Variants in FGFR1 observed in about 807,000 individuals in gnomAD.
The protein encoded by FGFR1 is FGFR1/PLAG1 fusion.
In FGFR1, 18 loss-of-function variants were observed where a neutral mutation model predicts 93.7. The ratio of observed to expected loss-of-function variants is 0.19; its 90% CI spans 0.13 to 0.28. The LOEUF (loss-of-function observed/expected upper bound fraction) is 0.28, where lower values mean the gene tolerates loss of function less well. Ranked by LOEUF, FGFR1 falls within the 10% of genes least tolerant of loss-of-function variation. The pLI, the probability that FGFR1 is intolerant of heterozygous loss-of-function variation, is 1.00. For synonymous variants in FGFR1, 448 were observed against 429.3 expected (o/e 1.04, Z -0.54); for missense variants, 731 against 1,080.4 (o/e 0.68, Z 4.53).
chr8:38,440,272 G>A (rs771026767), intron 2 of FGFR1: 37 of 1,580,406 alleles, frequency 2.3e-5, no homozygotes, highest in Middle Eastern at 1.7e-4. Flanking sequence ...TTTTTATTAC[G>A]TATTTTGGCT....
At chr8:38,442,526 A>G (rs1352782632) in intron 2 of FGFR1, among the ~76,000 whole-genome samples, 1 of 152,072 alleles carries the variant, frequency 6.6e-6, no homozygotes, top group Non-Finnish European at 1.5e-5. Context: ...TGGAAAGATC[A>G]TTAAGAGTGG....
At chr8:38,430,737 GC>G in intron 2 of FGFR1, 1 of 152,200 alleles carries the variant, frequency 6.6e-6, no homozygotes, top group Non-Finnish European at 1.5e-5. Flanking sequence ...ACACCCTCAG[GC>G]CCCCCACCAT....
intron 3 of FGFR1, chr8:38,428,868 A>C (rs1307131565): frequency 3.3e-6 from 1 of 299,768 alleles, no homozygotes; most frequent in Non-Finnish European, 6.5e-6. Flanking sequence ...TAAACACCCC[A>C]CAGTCAGAAT....
At chr8:38,453,196 G>C (rs1036456623) in intron 2 of FGFR1, among the ~76,000 whole-genome samples, 4 of 152,158 alleles carry the variant, frequency 2.6e-5, no homozygotes, top group Non-Finnish European at 5.9e-5. Context: ...CACTGAGACG[G>C]GGGCTTACTC....
At chr8:38,425,428 G>A (rs11994558) in intron 6 of FGFR1, among the ~76,000 whole-genome samples, 1 of 152,146 alleles carries the variant, frequency 6.6e-6, no homozygotes, top group East Asian at 1.9e-4. Flanking sequence ...GATCACAGGC[G>A]TGAGTAATCC....
At chr8:38,465,537 G>A (rs1225267068) in intron 1 of FGFR1, 2 of 229,544 alleles carry the variant, frequency 8.7e-6, no homozygotes, top group Non-Finnish European at 1.7e-5. Context: ...TGCACTCGGA[G>A]GGTCGGGGCA....
chr8:38,444,172 T>C (rs1441877680), intron 2 of FGFR1, among the ~76,000 whole-genome samples: 1 of 151,642 alleles, frequency 6.6e-6, no homozygotes, highest in Non-Finnish European at 1.5e-5. Flanking sequence ...TCCAAAAATC[T>C]GGAGGGAAAT....
chr8:38,444,051 CAAAAA>C lies in FGFR1; in HGVS notation c.91+13300_91+13304del, dbSNP rs746296068. On this transcript the variant is annotated intron_variant, in intron 2 of 17. Transcript: ENST00000447712. Reference sequence around the variant, plus strand: ...CTGGGCAACAAGAATGAAACTGTCTCAAAAAAAAAAAAAAAAAAAAAAAAAAGAAT... The same window carrying C: ...CTGGGCAACAAGAATGAAACTGTCTCAAAAAAAAAAAAAAAAAAAAAGAAT... Among the ~76,000 whole-genome samples, 16 of 74,352 alleles carry C rather than the reference CAAAAA, an allele frequency of 2.2e-4. 1 individual carries two copies. The highest frequency in any genetic ancestry group is 6.0e-4 in the African/African-American group (12 of 19,862). The allele number at this position is 74,352 out of a possible 152,430, so 48.8% of individuals were successfully genotyped here. A position where few individuals can be genotyped will look rare whatever the true frequency, so the allele number is the denominator to read the frequency against.
intron 1 of FGFR1, among the ~76,000 whole-genome samples, chr8:38,462,525 T>C (rs1223090433): frequency 6.6e-6 from 1 of 152,120 alleles, no homozygotes; most frequent in African/African-American, 2.4e-5. Context: ...TTTTTTTACC[T>C]ATTTCTTTCT....
intron 2 of FGFR1, among the ~76,000 whole-genome samples, chr8:38,436,961 C>A (rs1296772002): frequency 6.6e-6 from 1 of 152,206 alleles, no homozygotes; most frequent in East Asian, 1.9e-4. Flanking sequence ...TGGCTCACTG[C>A]AACTTCCGCC....
intron 2 of FGFR1, among the ~76,000 whole-genome samples, chr8:38,447,837 T>G (rs997846280): frequency 6.6e-6 from 1 of 152,206 alleles, no homozygotes; most frequent in Non-Finnish European, 1.5e-5. Flanking sequence ...TGGGGGATAT[T>G]TGGTATAGTG....
intron 2 of FGFR1, among the ~76,000 whole-genome samples, chr8:38,442,883 GC>G (rs1386965565): frequency 6.6e-6 from 1 of 152,228 alleles, no homozygotes; most frequent in East Asian, 1.9e-4. Flanking sequence ...CACCCCAAGT[GC>G]CTGCCATATC....
At chr8:38,447,776 C>T (rs59778175) in intron 2 of FGFR1, among the ~76,000 whole-genome samples, 34,308 of 151,978 alleles carry the variant, frequency 0.23, 4,061 homozygotes, top group African/African-American at 0.28. Flanking sequence ...CAACTGCACC[C>T]GGCTGGTATT....
chr8:38,417,487 G>T, intron 11 of FGFR1, 71 bp from the exon 12 acceptor site: 1 of 1,316,318 alleles, frequency 7.6e-7, no homozygotes, highest in Non-Finnish European at 1.1e-6. Context: ...AGGGAGTGGG[G>T]TATGTGTCGA....
intron 1 of FGFR1, chr8:38,465,855 G>A (rs1001849066): frequency 9.0e-6 from 2 of 222,594 alleles, no homozygotes; most frequent in African/African-American, 4.5e-5. Flanking sequence ...TGGTCCGGAG[G>A]TGCAAAGGGT....
At chr8:38,456,848 T>A (rs745734684) in intron 2 of FGFR1, among the ~76,000 whole-genome samples, 16 of 152,134 alleles carry the variant, frequency 1.1e-4, no homozygotes, top group Non-Finnish European at 2.2e-4. Flanking sequence ...TGAGGTTACA[T>A]GTGTGACCCA....
At chr8:38,428,119 A>G (rs771303777) in intron 4 of FGFR1, 26 bp from the exon 5 acceptor site, 2 of 1,613,568 alleles carry the variant, frequency 1.2e-6, no homozygotes, top group Admixed American at 1.7e-5. Flanking sequence ...CAAGAGAGAC[A>G]GGCAGGGTGG....
In FGFR1 at chr8:38,428,344, A is replaced by G. The variant is rs2150927877; in HGVS notation, c.448+2T>C. ...GCAGTAAGATAGGAAACAGTGTCTCACGCATACGGTTTGGTTTGGTGTTAT... is the reference window on the plus strand; with the variant it reads ...GCAGTAAGATAGGAAACAGTGTCTCGCGCATACGGTTTGGTTTGGTGTTAT... On this transcript the variant is annotated splice_donor_variant, in intron 4 of 17. Coordinates refer to ENST00000447712, the MANE Select transcript of FGFR1 (RefSeq NM_023110.3). LOFTEE classifies it high-confidence loss of function. The G allele has an allele frequency of 6.2e-7, 1 of 1,613,142 alleles. No individual in the cohort carries two copies. Among genetic ancestry groups the G allele is most frequent in the Non-Finnish European group, 8.5e-7 (1 of 1,179,088 alleles).
In FGFR1 at chr8:38,412,624, C is replaced by T. The variant is rs904195945; in HGVS notation, c.*1004G>A. The T allele has an allele frequency of 2.6e-5, 6 of 233,470 alleles. No individual in the cohort carries two copies. The highest frequency in any genetic ancestry group is 8.8e-5 in the African/African-American group (4 of 45,334). 14.5% of individuals were successfully genotyped at this position (233,470 alleles called of 1,614,324 possible). On this transcript the variant is annotated 3_prime_UTR_variant, in exon 18 of 18. Transcript: ENST00000447712. ...GGAAGAAGAGGTTACAAGGAACCTG[C>T]GCCGGGAGCATGCGGTGCCCTCGGG...
Sources: gnomAD v4.1 joint callset for allele counts (sites outside exome capture counted in the v4.1 genomes callset) on GRCh38, gnomAD v4.1.1 for gene constraint, MANE v1.5 for transcripts, NCBI Gene and HGNC (gene_info 2026-07-23, HGNC 2026-07-21) for gene names.